NSUN3: variants seen among roughly 807,000 people sequenced by gnomAD.
NSUN3 encodes the protein tRNA (cytosine(34)-C(5))-methyltransferase, mitochondrial.
A neutral mutation model predicts 36.8 loss-of-function variants in NSUN3; 24 were observed. The observed-to-expected ratio is 0.65, with a 90% CI of 0.47 to 0.92. The LOEUF (loss-of-function observed/expected upper bound fraction) is 0.92. Among genes scored for constraint, NSUN3 ranks in the 40% least tolerant of loss-of-function variants. The pLI, the probability that NSUN3 is intolerant of heterozygous loss-of-function variation, is 0.00. For synonymous variants in NSUN3, 146 were observed against 145.2 expected (o/e 1.01, Z -0.04); for missense variants, 381 against 392.8 (o/e 0.97, Z 0.25).
intron 4 of NSUN3, 25 bp downstream of exon 4, chr3:94,094,319 C>T (rs201818723): frequency 1.2e-4 from 185 of 1,599,612 alleles, no homozygotes; most frequent in Admixed American, 4.7e-4. Flanking sequence ...TTGTGACAAA[C>T]TGATGGACGC....
intron 2 of NSUN3, among the ~76,000 whole-genome samples, chr3:94,074,134 G>T (rs1029123755): frequency 6.6e-6 from 1 of 151,996 alleles, no homozygotes; most frequent in African/African-American, 2.4e-5. Flanking sequence ...ATTTCTGAGG[G>T]CTCTGTTCTG....
intron 5 of NSUN3, among the ~76,000 whole-genome samples, chr3:94,101,648 A>G (rs2077366580): frequency 6.6e-6 from 1 of 152,192 alleles, no homozygotes; most frequent in Non-Finnish European, 1.5e-5. Flanking sequence ...CAAGGATAAA[A>G]GGAATAATTG....
At chr3:94,082,886 C>G (rs962584235) in intron 2 of NSUN3, among the ~76,000 whole-genome samples, 1 of 152,180 alleles carries the variant, frequency 6.6e-6, no homozygotes, top group African/African-American at 2.4e-5. Context: ...GCCTCATTAA[C>G]TCCATTACTG....
intron 5 of NSUN3, among the ~76,000 whole-genome samples, chr3:94,106,024 T>C (rs897388961): frequency 6.6e-5 from 10 of 152,164 alleles, no homozygotes; most frequent in Non-Finnish European, 1.0e-4. Flanking sequence ...TTATGTTCAA[T>C]TTTAGTGGAG....
intron 3 of NSUN3, among the ~76,000 whole-genome samples, chr3:94,090,737 CAG>C (rs1413339311): frequency 6.6e-6 from 1 of 152,116 alleles, no homozygotes; most frequent in African/African-American, 2.4e-5. Context: ...ACCTAAGAGA[CAG>C]TGGGAACCTT....
rs1225677570 is a variant in NSUN3, at chr3:94,090,076, G to A, written c.467-4064G>A. Among the ~76,000 whole-genome samples, 4 of 151,954 alleles carry A rather than the reference G, an allele frequency of 2.6e-5. No homozygotes were observed. In the South Asian group the frequency reaches 8.3e-4, roughly 32 times the overall value. On this transcript the variant is annotated intron_variant, in intron 3 of 5. Coordinates refer to ENST00000314622, the MANE Select transcript of NSUN3 (RefSeq NM_022072.5). ...GGCAAGATTATTGTTTTTAAGTTAG[G>A]TCTACTAAAATAAATGAATGAATGA...
chr3:94,079,440 G>T (rs576393189), intron 2 of NSUN3, among the ~76,000 whole-genome samples: 1 of 152,160 alleles, frequency 6.6e-6, no homozygotes, highest in African/African-American at 2.4e-5. Context: ...TCTTTGTGGT[G>T]GTCTCTGTAT....
chr3:94,083,053 A>G (rs1057011786), intron 2 of NSUN3, among the ~76,000 whole-genome samples: 3 of 152,136 alleles, frequency 2.0e-5, no homozygotes, highest in Non-Finnish European at 4.4e-5. Context: ...TCCTTGTGCA[A>G]AGAGTGATGG....
Position 94,126,431 on chromosome 3 carries a change from G to A in NSUN3, c.964G>A (p.Ala322Thr). The A allele has an allele frequency of 6.2e-7, 1 of 1,614,084 alleles. No homozygotes were observed. Among genetic ancestry groups the A allele is most frequent in the Admixed American group, 1.7e-5 (1 of 60,024 alleles). ...CTTAGTGATTCCAGATAAGGGCAAAGCCTGGGGCCCAATGTATGTAGCCAA... is the reference window on the plus strand; with the variant it reads ...CTTAGTGATTCCAGATAAGGGCAAAACCTGGGGCCCAATGTATGTAGCCAA... ...GLLVIPDKGK[A>T]WGPMYVAKLK... The change falls in exon 6 of 6, where the codon GCC becomes ACC. Residue 322 changes from alanine (A) to threonine (T), a missense_variant. Physicochemically the swap from Ala to Thr is moderately conservative, Grantham distance 58 (BLOSUM62 0). Coordinates refer to ENST00000314622, the MANE Select transcript of NSUN3 (RefSeq NM_022072.5).
chr3:94,096,349 C>T (rs1387857539), intron 5 of NSUN3, among the ~76,000 whole-genome samples: 3 of 152,096 alleles, frequency 2.0e-5, no homozygotes, highest in Non-Finnish European at 4.4e-5. Flanking sequence ...TGATGTCCAC[C>T]TTTCATGTAA....
chr3:94,096,631 T>G (rs2077341641), intron 5 of NSUN3, among the ~76,000 whole-genome samples: 1 of 152,154 alleles, frequency 6.6e-6, no homozygotes. Flanking sequence ...CCCAAGTGGC[T>G]GGGATTATAG....
In NSUN3 at chr3:94,126,380, G is replaced by T. The variant is rs1318637946; in HGVS notation, c.913G>T (p.Ala305Ser). The T allele has an allele frequency of 1.2e-6, 2 of 1,614,112 alleles. No individual in the cohort carries two copies. Among genetic ancestry groups the T allele is most frequent in the Non-Finnish European group, 1.7e-6 (2 of 1,180,024 alleles). ...GACTTGCTCCCACGACTTCACATTT[G>T]CTCCCACTGGCCAGGAATGTGGGCT... ...ARTCSHDFTF[A>S]PTGQECGLLV... Residue 305 changes from alanine to serine, a missense_variant, in exon 6 of 6, where the codon GCT becomes TCT. Transcript: ENST00000314622.
At chr3:94,108,301 C>G (rs1043890189) in intron 5 of NSUN3, among the ~76,000 whole-genome samples, 1 of 152,156 alleles carries the variant, frequency 6.6e-6, no homozygotes, top group East Asian at 1.9e-4. Flanking sequence ...TTGTTTTACA[C>G]TGAAAATTCT....
At chr3:94,113,348 A>G (rs1287819161) in intron 5 of NSUN3, among the ~76,000 whole-genome samples, 1 of 152,218 alleles carries the variant, frequency 6.6e-6, no homozygotes, top group Non-Finnish European at 1.5e-5. Flanking sequence ...ATTTTGTACA[A>G]ATAACTGTCT....
At chr3:94,088,670 CTTT>C (rs747748539) in intron 3 of NSUN3, among the ~76,000 whole-genome samples, 2 of 132,436 alleles carry the variant, frequency 1.5e-5, no homozygotes. Context: ...GGGACAGATC[CTTT>C]TTTTTTTTTT....
intron 2 of NSUN3, among the ~76,000 whole-genome samples, chr3:94,074,489 G>T (rs1450100804): frequency 6.6e-6 from 1 of 152,124 alleles, no homozygotes; most frequent in Admixed American, 6.6e-5. Flanking sequence ...TCGAGCAGTG[G>T]TTTGTAGTTC....
At chr3:94,082,978 T>C (rs924327249) in intron 2 of NSUN3, among the ~76,000 whole-genome samples, 1 of 152,226 alleles carries the variant, frequency 6.6e-6, no homozygotes, top group African/African-American at 2.4e-5. Flanking sequence ...CCTTTTATGA[T>C]AATACTTTTC....
rs2077506547 is a variant in NSUN3 at position 94,130,892 on chromosome 3, C to G, written c.*4402C>G. Reference sequence around the variant, plus strand: ...TGCAAAGCCAGCAAAGTTTCATTTTCATTCAACCCTTTTTTTTTCACTTTG... The same window carrying G: ...TGCAAAGCCAGCAAAGTTTCATTTTGATTCAACCCTTTTTTTTTCACTTTG... On this transcript the variant is annotated 3_prime_UTR_variant, in exon 6 of 6. Transcript: ENST00000314622. 6.6e-6 allele frequency among the ~76,000 whole-genome samples: 1 copy of G among 152,060 alleles called. No individual in the cohort carries two copies. The highest frequency in any genetic ancestry group is 1.5e-5 in the Non-Finnish European group (1 of 67,992).
intron 3 of NSUN3, among the ~76,000 whole-genome samples, chr3:94,093,565 G>A (rs1033554136): frequency 5.3e-5 from 8 of 150,542 alleles, no homozygotes; most frequent in African/African-American, 2.0e-4. Context: ...CCTGATAGAG[G>A]TGCCATGCTT....
Sources: gnomAD v4.1 joint callset for allele counts (sites outside exome capture counted in the v4.1 genomes callset) on GRCh38, gnomAD v4.1.1 for gene constraint, MANE v1.5 for transcripts, NCBI Gene and HGNC (gene_info 2026-07-23, HGNC 2026-07-21) for gene names.